PBX3: variants seen among roughly 807,000 people sequenced by gnomAD.
The protein encoded by PBX3 is pre-B-cell leukemia transcription factor 3.
In PBX3, 14 loss-of-function variants were observed where a neutral mutation model predicts 48.5. The observed-to-expected ratio is 0.29, with a 90% CI of 0.19 to 0.45. PBX3 has a LOEUF of 0.45. Ranked by LOEUF, PBX3 falls within the 20% of genes least tolerant of loss-of-function variation. The pLI is 1.00. For missense variants in PBX3, 386 were observed against 546.7 expected (o/e 0.71, Z 2.93); for synonymous variants, 210 against 200.3 (o/e 1.05, Z -0.41).
intron 2 of PBX3, among the ~76,000 whole-genome samples, chr9:125,884,865 T>C (rs753059215): frequency 4.6e-5 from 7 of 152,200 alleles, no homozygotes; most frequent in Non-Finnish European, 8.8e-5. Flanking sequence ...CATATGGCTA[T>C]TGTATACCTA....
At chr9:125,859,011 C>T (rs1351469575) in intron 2 of PBX3, among the ~76,000 whole-genome samples, 1 of 152,088 alleles carries the variant, frequency 6.6e-6, no homozygotes, top group Non-Finnish European at 1.5e-5. Context: ...AATGAGGTTG[C>T]GTGACTACAG....
chr9:125,960,926 CAA>C (rs1166603617), intron 6 of PBX3, 77 bp downstream of exon 6: 27 of 1,067,946 alleles, frequency 2.5e-5, no homozygotes, highest in Non-Finnish European at 3.3e-5. Context: ...GGCCAGGAAA[CAA>C]GAGCCATACT....
At chr9:125,875,681 A>G (rs1840231338) in intron 2 of PBX3, among the ~76,000 whole-genome samples, 1 of 152,128 alleles carries the variant, frequency 6.6e-6, no homozygotes, top group Non-Finnish European at 1.5e-5. Flanking sequence ...TTTCTAATAT[A>G]ACTTCCTACG....
intron 2 of PBX3, among the ~76,000 whole-genome samples, chr9:125,825,255 G>C (rs1228742014): frequency 6.6e-6 from 1 of 152,062 alleles, no homozygotes; most frequent in African/African-American, 2.4e-5. Flanking sequence ...CTGCACTCCA[G>C]ACTGGGCAAC....
chr9:125,938,528 GA>G (rs1841887651), intron 5 of PBX3, among the ~76,000 whole-genome samples: 1 of 152,136 alleles, frequency 6.6e-6, no homozygotes, highest in East Asian at 1.9e-4. Flanking sequence ...CAAGTGATTG[GA>G]ATCAACATCA....
chr9:125,878,823 A>G (rs778717867), intron 2 of PBX3, among the ~76,000 whole-genome samples: 1 of 152,194 alleles, frequency 6.6e-6, no homozygotes, highest in Non-Finnish European at 1.5e-5. Flanking sequence ...AAGTTGTACA[A>G]AGTCGTTAGT....
chr9:125,890,601 T>C (rs970406239), intron 2 of PBX3, among the ~76,000 whole-genome samples: 15 of 152,242 alleles, frequency 9.9e-5, no homozygotes, highest in African/African-American at 3.4e-4. Flanking sequence ...GTGACTTGGC[T>C]CTAGTCAAGA....
chr9:125,953,476 C>CA (rs35262454), intron 5 of PBX3, among the ~76,000 whole-genome samples: 85,395 of 144,822 alleles, frequency 0.59, 27,279 homozygotes, highest in East Asian at 0.77. Flanking sequence ...GACCCTGTCT[C>CA]AAAAAAAAAA....
At chr9:125,843,315 A>G (rs1016047715) in intron 2 of PBX3, among the ~76,000 whole-genome samples, 5 of 152,202 alleles carry the variant, frequency 3.3e-5, no homozygotes, top group African/African-American at 4.8e-5. Flanking sequence ...AAATGTGAGT[A>G]TAATTTACAT....
intron 2 of PBX3, among the ~76,000 whole-genome samples, chr9:125,859,017 T>C (rs772965648): frequency 1.1e-4 from 16 of 152,194 alleles, no homozygotes; most frequent in Non-Finnish European, 2.2e-4. Context: ...GTTGCGTGAC[T>C]ACAGCTTCTG....
At chr9:125,920,848 A>T (rs1841442037) in intron 3 of PBX3, among the ~76,000 whole-genome samples, 1 of 152,206 alleles carries the variant, frequency 6.6e-6, no homozygotes, top group African/African-American at 2.4e-5. Context: ...GAGGACTTAC[A>T]GATTGCAGGG....
intron 2 of PBX3, among the ~76,000 whole-genome samples, chr9:125,860,163 A>C (rs1651291194): frequency 6.6e-6 from 1 of 152,246 alleles, no homozygotes; most frequent in African/African-American, 2.4e-5. Flanking sequence ...CAGGCTAATG[A>C]ATTAGCCACC....
At chr9:125,823,414 C>T (rs1483940069) in intron 2 of PBX3, among the ~76,000 whole-genome samples, 1 of 152,126 alleles carries the variant, frequency 6.6e-6, no homozygotes, top group East Asian at 1.9e-4. Context: ...ATTACCATAG[C>T]AACAGTAATA....
chr9:125,899,311 G>T (rs1480739968), intron 2 of PBX3, among the ~76,000 whole-genome samples: 4 of 99,294 alleles, frequency 4.0e-5, no homozygotes, highest in African/African-American at 1.9e-4. Flanking sequence ...ATACATATAT[G>T]TATATATTTT....
intron 2 of PBX3, among the ~76,000 whole-genome samples, chr9:125,902,006 C>G (rs1394884336): frequency 1.3e-5 from 2 of 151,524 alleles, no homozygotes; most frequent in African/African-American, 4.8e-5. Flanking sequence ...CCCAAATCTT[C>G]TGTTTCTTGA....
intron 2 of PBX3, among the ~76,000 whole-genome samples, chr9:125,888,873 CT>C (rs1462633729): frequency 2.0e-5 from 3 of 152,118 alleles, no homozygotes; most frequent in Non-Finnish European, 4.4e-5. Context: ...GGGAAGTCAC[CT>C]TTTCAGCTCC....
chr9:125,933,681 G>A (rs1365308044), intron 4 of PBX3, among the ~76,000 whole-genome samples: 1 of 152,028 alleles, frequency 6.6e-6, no homozygotes, highest in East Asian at 1.9e-4. Flanking sequence ...ATATCTAAGG[G>A]GGCAGCTATC....
chr9:125,954,243 T>C (rs1406443504), intron 5 of PBX3, among the ~76,000 whole-genome samples: 1 of 152,192 alleles, frequency 6.6e-6, no homozygotes, highest in East Asian at 1.9e-4. Flanking sequence ...AAACCTACAT[T>C]TGATGGTCAA....
intron 2 of PBX3, among the ~76,000 whole-genome samples, chr9:125,864,975 G>C (rs1168052268): frequency 6.6e-6 from 1 of 152,226 alleles, no homozygotes; most frequent in Non-Finnish European, 1.5e-5. Flanking sequence ...TGCTCATATA[G>C]CTCATTTTGT....
Sources: gnomAD v4.1 joint callset for allele counts (sites outside exome capture counted in the v4.1 genomes callset) on GRCh38, gnomAD v4.1.1 for gene constraint, MANE v1.5 for transcripts, NCBI Gene and HGNC (gene_info 2026-07-23, HGNC 2026-07-21) for gene names.